CREM: variants seen among roughly 807,000 people sequenced by gnomAD.
CREM encodes the protein cAMP-responsive element modulator.
In CREM, 13 loss-of-function variants were observed where a neutral mutation model predicts 37.3. That is an observed-to-expected ratio of 0.35 (90% CI 0.23 to 0.55). The LOEUF is 0.55. Ranked by LOEUF, CREM falls within the 20% of genes least tolerant of loss-of-function variation. The pLI, the probability that CREM is intolerant of heterozygous loss-of-function variation, is 0.88. For missense variants in CREM, 296 were observed against 362.3 expected, an observed-to-expected ratio of 0.82 and a Z score of 1.49; for synonymous variants, 124 against 120.2, an observed-to-expected ratio of 1.03 and a Z score of -0.21.
chr10:35,200,342 C>A (rs1231023394), intron 6 of CREM, among the ~76,000 whole-genome samples: 1 of 152,060 alleles, frequency 6.6e-6, no homozygotes, highest in African/African-American at 2.4e-5. Context: ...TAAAAGGTCC[C>A]TTATGTATAA....
At chr10:35,141,108 G>T (rs1000494392) in intron 2 of CREM, among the ~76,000 whole-genome samples, 2 of 152,122 alleles carry the variant, frequency 1.3e-5, no homozygotes, top group South Asian at 4.1e-4. Flanking sequence ...ATTTCTAAAA[G>T]AAGAACTAAT....
chr10:35,155,984 G>T (rs932346712), intron 3 of CREM, among the ~76,000 whole-genome samples: 1 of 150,322 alleles, frequency 6.7e-6, no homozygotes, highest in Non-Finnish European at 1.5e-5. Flanking sequence ...CTGTTGCCCA[G>T]GCTGGAGTGC....
At chr10:35,128,354 C>T (rs2088441610) in intron 1 of CREM, among the ~76,000 whole-genome samples, 1 of 152,140 alleles carries the variant, frequency 6.6e-6, no homozygotes, top group Non-Finnish European at 1.5e-5. Flanking sequence ...AGTTTCCTTT[C>T]TACTTAATTT....
intron 2 of CREM, among the ~76,000 whole-genome samples, 160 bp from the exon 3 acceptor site, chr10:35,148,208 C>A (rs942870048): frequency 1.3e-5 from 2 of 152,148 alleles, no homozygotes; most frequent in Non-Finnish European, 2.9e-5. Context: ...CATGAGGTCA[C>A]ATGTGGAATT....
chr10:35,201,328 A>C (rs2134267075), intron 6 of CREM: 1 of 970,864 alleles, frequency 1.0e-6, no homozygotes, highest in South Asian at 1.5e-5. Context: ...AAGGAGGGGA[A>C]GAGGAAGGGA....
intron 1 of CREM, among the ~76,000 whole-genome samples, chr10:35,129,854 A>G (rs1028178556): frequency 2.0e-5 from 3 of 152,192 alleles, no homozygotes; most frequent in Admixed American, 6.5e-5. Context: ...GAAAATAGTT[A>G]TTATTGTACA....
At chr10:35,132,932 G>T (rs1389910063) in intron 1 of CREM, among the ~76,000 whole-genome samples, 1 of 152,134 alleles carries the variant, frequency 6.6e-6, no homozygotes, top group East Asian at 1.9e-4. Context: ...TTAAATTACA[G>T]TTAACCTATG....
intron 1 of CREM, among the ~76,000 whole-genome samples, chr10:35,130,196 CAAA>C (rs754455183): frequency 7.4e-5 from 5 of 67,188 alleles, no homozygotes; most frequent in Admixed American, 1.6e-4. Flanking sequence ...AACTCAGTCT[CAAA>C]AAAAAAAAAA....
At chr10:35,141,762 T>C (rs2091464000) in intron 2 of CREM, among the ~76,000 whole-genome samples, 1 of 151,974 alleles carries the variant, frequency 6.6e-6, no homozygotes, top group Non-Finnish European at 1.5e-5. Context: ...TAGGGAGAGA[T>C]TTGAGAGTGA....
intron 3 of CREM, among the ~76,000 whole-genome samples, chr10:35,163,765 G>A (rs941754780): frequency 9.9e-5 from 15 of 152,162 alleles, no homozygotes; most frequent in Non-Finnish European, 8.8e-5. Context: ...AGGTTGCAGT[G>A]AGCCAAGATC....
intron 1 of CREM, among the ~76,000 whole-genome samples, chr10:35,129,246 A>G (rs984123410): frequency 6.6e-6 from 1 of 152,200 alleles, no homozygotes. Context: ...GAATGCGTAA[A>G]CATAGGACAT....
chr10:35,175,907 C>T (rs1468516777), intron 3 of CREM: 1 of 1,554,000 alleles, frequency 6.4e-7, no homozygotes, highest in South Asian at 1.2e-5. Context: ...AACTCTAGTG[C>T]AGTTACCTTC....
chr10:35,184,032 C>T (rs1022501461), intron 5 of CREM, among the ~76,000 whole-genome samples: 4 of 152,164 alleles, frequency 2.6e-5, no homozygotes, highest in East Asian at 1.9e-4. Flanking sequence ...TGAGATCACA[C>T]GATTGCACTT....
At chr10:35,199,342 G>A (rs887922856) in intron 6 of CREM, among the ~76,000 whole-genome samples, 15 of 152,106 alleles carry the variant, frequency 9.9e-5, no homozygotes, top group East Asian at 1.9e-4. Context: ...AATGCATAAC[G>A]AAATGTAATT....
At chr10:35,158,252 C>T (rs2093038333) in intron 3 of CREM, 1 of 157,696 alleles carries the variant, frequency 6.3e-6, no homozygotes, top group Non-Finnish European at 1.4e-5. Flanking sequence ...CCACAAAAGA[C>T]CCCAAATAGC....
At chr10:35,162,581 T>C (rs1327599346) in intron 3 of CREM, among the ~76,000 whole-genome samples, 1 of 152,118 alleles carries the variant, frequency 6.6e-6, no homozygotes, top group African/African-American at 2.4e-5. Context: ...AAAAGGTACA[T>C]CTCCAACCTC....
chr10:35,164,109 C>T (rs145217224), intron 3 of CREM, among the ~76,000 whole-genome samples: 1 of 152,080 alleles, frequency 6.6e-6, no homozygotes, highest in Non-Finnish European at 1.5e-5. Context: ...AAAGTTGATA[C>T]TAATTTTATG....
At chr10:35,162,251 A>G (rs193114224) in intron 3 of CREM, among the ~76,000 whole-genome samples, 1 of 152,314 alleles carries the variant, frequency 6.6e-6, no homozygotes, top group African/African-American at 2.4e-5. Context: ...AATGGTGGTT[A>G]CCAGAGGTGG....
intron 3 of CREM, among the ~76,000 whole-genome samples, chr10:35,168,650 T>C (rs2093664543): frequency 6.6e-6 from 1 of 152,362 alleles, no homozygotes; most frequent in South Asian, 2.1e-4. Context: ...GCTTTTTGTA[T>C]TTTAGACATG....
Sources: allele counts gnomAD v4.1 joint callset (sites outside exome capture counted in the v4.1 genomes callset), GRCh38; gene constraint gnomAD v4.1.1; transcripts MANE v1.5; gene names NCBI Gene and HGNC (gene_info 2026-07-23, HGNC 2026-07-21).